TMEM38A: variants seen among roughly 807,000 people sequenced by gnomAD.
TMEM38A encodes the protein transmembrane protein 38A, also known as trimeric intracellular cation channel type A.
In TMEM38A, 17 loss-of-function variants were observed where a neutral mutation model predicts 28.6. The ratio of observed to expected loss-of-function variants is 0.60; its 90% CI spans 0.41 to 0.89. The LOEUF is 0.89. Ranked by LOEUF, TMEM38A falls within the 40% of genes least tolerant of loss-of-function variation. TMEM38A has a pLI of 0.00. For synonymous variants in TMEM38A, 169 were observed against 166.1 expected (o/e 1.02, Z -0.14); for missense variants, 328 against 393.1 (o/e 0.83, Z 1.40).
At chr19:16,679,481 C>T (rs1421010708) in intron 1 of TMEM38A, among the ~76,000 whole-genome samples, 1 of 151,860 alleles carries the variant, frequency 6.6e-6, no homozygotes, top group Admixed American at 6.6e-5. Context: ...TTTTTAGGGA[C>T]GGGGTTTCAC....
intron 1 of TMEM38A, among the ~76,000 whole-genome samples, chr19:16,665,513 A>G (rs1206613279): frequency 6.6e-6 from 1 of 151,858 alleles, no homozygotes; most frequent in African/African-American, 2.4e-5. Flanking sequence ...AAAAGAAACT[A>G]AACGTCTCTG....
At chr19:16,680,859 A>G in intron 3 of TMEM38A, 1 of 431,520 alleles carries the variant, frequency 2.3e-6, no homozygotes, top group Non-Finnish European at 4.3e-6. Flanking sequence ...CACTACTGAC[A>G]TGTGGGGCTG....
chr19:16,679,945 C>A, intron 1 of TMEM38A, 39 bp from the exon 2 acceptor site: 2 of 1,558,806 alleles, frequency 1.3e-6, no homozygotes, highest in African/African-American at 2.7e-5. Flanking sequence ...CTGCCCTTGG[C>A]ATGCTGGTGA....
In TMEM38A at chr19:16,661,392, G is replaced by C; in HGVS notation, c.124+51G>C. ...GGACCGGCAGCGGGTGGCGCGGGCC[G>C]GGGCAGCTCGGGGGTCGCAGAGAGG... On this transcript the variant is annotated intron_variant, in intron 1 of 5. Transcript: ENST00000187762. This position sits in a 1 kb window ranked among gnomAD's most constrained non-coding sequence, Gnocchi z 6.5. 6.9e-7 allele frequency: 1 copy of C among 1,452,742 alleles called. No individual in the cohort carries two copies. The allele number at this position is 1,452,742 out of a possible 1,614,324, so 90.0% of individuals were successfully genotyped here.
At chr19:16,663,509 C>T (rs549011080) in intron 1 of TMEM38A, among the ~76,000 whole-genome samples, 6 of 151,640 alleles carry the variant, frequency 4.0e-5, no homozygotes, top group African/African-American at 7.2e-5. Context: ...ATTCATGAGA[C>T]GCTCCTGGGA....
At chr19:16,688,080 C>A in intron 5 of TMEM38A, 64 bp from the exon 6 acceptor site, 1 of 1,210,084 alleles carries the variant, frequency 8.3e-7, no homozygotes, top group South Asian at 2.1e-5. Flanking sequence ...GCCCTCCACT[C>A]CTTTGCTTTC....
rs141700561 is a variant in TMEM38A, at chr19:16,661,231, C to T, written c.14C>T (p.Ser5Leu). 1,031 of 1,566,832 alleles carry T rather than the reference C, an allele frequency of 6.6e-4. 2 individuals carry two copies. The highest frequency in any genetic ancestry group is 7.0e-4 in the Non-Finnish European group (813 of 1,157,472). The change falls in exon 1 of 6, where the codon TCG (serine) becomes TTG (leucine). Residue 5 changes from serine to leucine, a missense_variant. Physicochemically the swap from Ser to Leu is moderately radical, Grantham distance 145. Coordinates refer to ENST00000187762, the MANE Select transcript of TMEM38A (RefSeq NM_024074.4). The surrounding 1 kb of genome is among the most constrained non-coding windows in gnomAD (Gnocchi z 6.5). The part of the protein sequence containing the change: MELL[S>L]ALSLGELALS... ...CAGGCGGGCGCCATGGAGCTGCTCT[C>T]GGCGCTGAGCCTGGGCGAACTGGCG... is the stretch of plus-strand genomic sequence containing the variant.
At chr19:16,686,448 C>A in intron 5 of TMEM38A, 43 bp downstream of exon 5, 1 of 1,484,124 alleles carries the variant, frequency 6.7e-7, no homozygotes, top group Non-Finnish European at 9.4e-7. Flanking sequence ...TTGACCAATG[C>A]CACCCTGCCA....
rs1476130447 is a variant in TMEM38A, at chr19:16,664,878, A to AT, written c.124+3537_124+3538insT. 7.2e-5 allele frequency among the ~76,000 whole-genome samples: 11 copies of AT among 151,810 alleles called. No individual in the cohort carries two copies. The East Asian group carries it at 1.6e-3, about 22-fold the overall frequency. ...TCCTAAAAAAATAATAATAATAATA[A>AT]AAAAAGAATGTCAGCATAGGTCAGA... On this transcript the variant is annotated intron_variant, in intron 1 of 5. Transcript: ENST00000187762.
At chr19:16,677,248 C>T (rs995340346) in intron 1 of TMEM38A, among the ~76,000 whole-genome samples, 2 of 152,114 alleles carry the variant, frequency 1.3e-5, no homozygotes, top group South Asian at 2.1e-4. Context: ...ACCCAGCTTC[C>T]TCCAATGACA....
chr19:16,671,201 CTTTTTTTT>C (rs34550977), intron 1 of TMEM38A, among the ~76,000 whole-genome samples: 3 of 84,848 alleles, frequency 3.5e-5, no homozygotes, highest in Non-Finnish European at 4.1e-5. Context: ...AGGACCTGGG[CTTTTTTTT>C]TTTTTTTTTT....
intron 1 of TMEM38A, among the ~76,000 whole-genome samples, chr19:16,664,349 G>A (rs922589728): frequency 1.3e-4 from 20 of 152,150 alleles, no homozygotes; most frequent in Admixed American, 1.2e-3. Flanking sequence ...TCCAGGAGAC[G>A]GAGGTTGCAG....
At chr19:16,675,931 G>A (rs186404257) in intron 1 of TMEM38A, among the ~76,000 whole-genome samples, 27 of 152,224 alleles carry the variant, frequency 1.8e-4, no homozygotes. Context: ...CACAAGCGGG[G>A]AGGGGTAGGA....
chr19:16,680,050 G>C lies in TMEM38A; in HGVS notation c.191G>C (p.Gly64Ala). ...SWLCAMLHCF[G>A]SYILADLLLG... ...CTGTGCGCCATGCTGCATTGCTTCG[G>C]GAGCTACATCCTGGCTGATCTGCTC... The change falls in exon 2 of 6, where the codon GGG becomes GCG. Residue 64 changes from glycine (G) to alanine (A), a missense_variant. Gly to Ala is a moderately conservative substitution (Grantham distance 60, BLOSUM62 0). Transcript: ENST00000187762. 1.2e-6 allele frequency: 2 copies of C among 1,611,440 alleles called. No homozygotes were observed. The highest frequency in any genetic ancestry group is 1.7e-6 in the Non-Finnish European group (2 of 1,180,012).
intron 1 of TMEM38A, among the ~76,000 whole-genome samples, chr19:16,666,952 C>CA (rs34700803): frequency 0.27 from 33,289 of 122,582 alleles, 6,327 homozygotes; most frequent in African/African-American, 0.56. Context: ...AACTCCATCT[C>CA]AAAAAAAAAA....
intron 4 of TMEM38A, among the ~76,000 whole-genome samples, chr19:16,685,567 G>C (rs1006839863): frequency 6.6e-6 from 1 of 152,192 alleles, no homozygotes; most frequent in Admixed American, 6.6e-5. Context: ...TTCTGAGCCT[G>C]GGTATCCAGG....
intron 1 of TMEM38A, among the ~76,000 whole-genome samples, chr19:16,677,562 C>T (rs1222590672): frequency 6.6e-6 from 1 of 151,214 alleles, no homozygotes; most frequent in Non-Finnish European, 1.5e-5. Context: ...GCCTCCCCTC[C>T]CCTTCCCTCC....
chr19:16,683,069 G>A lies in TMEM38A; in HGVS notation c.554+561G>A, dbSNP rs1003729906. Among the ~76,000 whole-genome samples the A allele has an allele frequency of 3.9e-5, 6 of 152,240 alleles. No individual in the cohort carries two copies. The East Asian group carries it at 1.2e-3, about 29-fold the overall frequency. Reference sequence around the variant, plus strand: ...GCTCACTGCAACCTCCACCTCCCAGGTTCAAGAGATTCTCGTGCCTCAGCC... The same window carrying A: ...GCTCACTGCAACCTCCACCTCCCAGATTCAAGAGATTCTCGTGCCTCAGCC... On this transcript the variant is annotated intron_variant, in intron 4 of 5. Coordinates refer to ENST00000187762, the MANE Select transcript of TMEM38A (RefSeq NM_024074.4).
In TMEM38A at chr19:16,686,411, C is replaced by T. The variant is rs547853841; in HGVS notation, c.672+6C>T. 6 of 1,609,112 alleles carry T rather than the reference C, an allele frequency of 3.7e-6. No individual in the cohort carries two copies. The highest frequency in any genetic ancestry group is 5.1e-6 in the Non-Finnish European group (6 of 1,176,642). On this transcript the variant is annotated splice_donor_region_variant and intron_variant, in intron 5 of 5. Transcript: ENST00000187762. Reference sequence around the variant, plus strand: ...TGTTCATGGTGTCCTGTAAGGTAAGCCTTTCTCTTCTTGCAGCATTCTTGC... The same window carrying T: ...TGTTCATGGTGTCCTGTAAGGTAAGTCTTTCTCTTCTTGCAGCATTCTTGC...
Sources: gnomAD v4.1 joint callset for allele counts (sites outside exome capture counted in the v4.1 genomes callset) on GRCh38, gnomAD v4.1.1 for gene constraint, Gnocchi (gnomAD v3.1) non-coding constraint, MANE v1.5 for transcripts, NCBI Gene and HGNC (gene_info 2026-07-23, HGNC 2026-07-21) for gene names.